WDR70: variants seen among roughly 807,000 people sequenced by gnomAD.
WDR70 encodes the protein WD repeat-containing protein 70.
In WDR70, 53 loss-of-function variants were observed where a neutral mutation model predicts 88.6. The observed-to-expected ratio is 0.60, with a 90% CI of 0.48 to 0.75. The LOEUF is 0.75. Among genes scored for constraint, WDR70 ranks in the 30% least tolerant of loss-of-function variants. The pLI is 0.00. For missense variants in WDR70, 610 were observed against 823.2 expected (o/e 0.74, Z 3.17); for synonymous variants, 280 against 270.0 (o/e 1.04, Z -0.36).
At chr5:37,740,984 A>G (rs1005379319) in intron 17 of WDR70, among the ~76,000 whole-genome samples, 1 of 152,188 alleles carries the variant, frequency 6.6e-6, no homozygotes, top group African/African-American at 2.4e-5. Flanking sequence ...AATTTGATGT[A>G]TCTGTTGAAT....
At chr5:37,733,312 TA>T (rs560929757) in intron 17 of WDR70, among the ~76,000 whole-genome samples, 9 of 152,024 alleles carry the variant, frequency 5.9e-5, no homozygotes, top group Non-Finnish European at 1.3e-4. Flanking sequence ...AATCCAGGAG[TA>T]TCTCCTCATC....
At chr5:37,521,589 T>C (rs1390408079) in intron 9 of WDR70, among the ~76,000 whole-genome samples, 2 of 152,120 alleles carry the variant, frequency 1.3e-5, no homozygotes, top group Non-Finnish European at 2.9e-5. Flanking sequence ...AGATGCGATG[T>C]TTGGTTTTCC....
At position 37,741,836 on chromosome 5, in the gene WDR70, C is replaced by T. The variant is rs1748491807; in HGVS notation, c.1878-10650C>T. On this transcript the variant is annotated intron_variant, in intron 17 of 17. Coordinates refer to ENST00000265107, the MANE Select transcript of WDR70 (RefSeq NM_018034.4). ...TCTATGGATTTGACTACTGTAGGTACCTCATATAAGCGGAATCAAACAGTT... is the reference window on the plus strand; with the variant it reads ...TCTATGGATTTGACTACTGTAGGTATCTCATATAAGCGGAATCAAACAGTT... 2.0e-5 allele frequency among the ~76,000 whole-genome samples: 3 copies of T among 152,204 alleles called. 1 individual carries two copies. The South Asian group carries it at 6.2e-4, about 32-fold the overall frequency.
intron 9 of WDR70, among the ~76,000 whole-genome samples, chr5:37,603,325 T>G (rs1208165054): frequency 6.6e-6 from 1 of 152,126 alleles, no homozygotes; most frequent in African/African-American, 2.4e-5. Flanking sequence ...CCCAGGTACT[T>G]ACAGCCAATT....
At chr5:37,490,128 C>T (rs1162671646) in intron 8 of WDR70, among the ~76,000 whole-genome samples, 1 of 152,066 alleles carries the variant, frequency 6.6e-6, no homozygotes, top group East Asian at 1.9e-4. Flanking sequence ...ACTGATGGTG[C>T]AGGGGAATCC....
intron 13 of WDR70, among the ~76,000 whole-genome samples, chr5:37,713,710 A>T (rs1747579804): frequency 1.3e-5 from 2 of 152,230 alleles, no homozygotes; most frequent in South Asian, 4.1e-4. Flanking sequence ...AAAAATGTTC[A>T]GAATGATACT....
intron 10 of WDR70, among the ~76,000 whole-genome samples, chr5:37,630,994 A>C (rs72740968): frequency 0.031 from 4,747 of 152,180 alleles, 117 homozygotes; most frequent in Middle Eastern, 0.14. Flanking sequence ...TGTGGTGGCA[A>C]TGGGGGTTGG....
chr5:37,590,611 T>A (rs1296097397), intron 9 of WDR70, among the ~76,000 whole-genome samples: 1 of 152,132 alleles, frequency 6.6e-6, no homozygotes, highest in Admixed American at 6.5e-5. Context: ...AGTACCCTCA[T>A]TAAAGGACAG....
At chr5:37,473,662 C>T (rs1014837497) in intron 7 of WDR70, among the ~76,000 whole-genome samples, 2 of 152,070 alleles carry the variant, frequency 1.3e-5, no homozygotes, top group Non-Finnish European at 2.9e-5. Flanking sequence ...TTAATGTTGT[C>T]TTTTGATATG....
intron 17 of WDR70, among the ~76,000 whole-genome samples, chr5:37,735,581 G>A (rs980049592): frequency 6.6e-6 from 1 of 152,090 alleles, no homozygotes; most frequent in Non-Finnish European, 1.5e-5. Context: ...CCTTGCATTT[G>A]TTGCATACTA....
At chr5:37,750,169 G>A (rs1748764389) in intron 17 of WDR70, among the ~76,000 whole-genome samples, 2 of 152,012 alleles carry the variant, frequency 1.3e-5, no homozygotes, top group Non-Finnish European at 1.5e-5. Flanking sequence ...ATGTAGTTTT[G>A]TTGATTCTGT....
intron 9 of WDR70, among the ~76,000 whole-genome samples, chr5:37,521,721 C>CACACAT (rs1458751576): frequency 6.6e-6 from 1 of 151,880 alleles, no homozygotes; most frequent in Non-Finnish European, 1.5e-5. Flanking sequence ...CACACACACA[C>CACACAT]ACACACACAC....
rs906839540 is a variant in WDR70, at chr5:37,398,374, T to C, written c.492+1804T>C. ...AAGTGCTGGGACAGGCGTGAGCCAC[T>C]GCGCCCGGCCGCACTTGGGGTAGAT... On this transcript the variant is annotated intron_variant, in intron 5 of 17. Transcript: ENST00000265107. 5.3e-5 allele frequency among the ~76,000 whole-genome samples: 8 copies of C among 151,284 alleles called. No individual in the cohort carries two copies. The South Asian group carries it at 1.0e-3, about 20-fold the overall frequency.
At chr5:37,745,416 C>T (rs1239513787) in intron 17 of WDR70, among the ~76,000 whole-genome samples, 1 of 151,316 alleles carries the variant, frequency 6.6e-6, no homozygotes, top group South Asian at 2.1e-4. Flanking sequence ...TGAATTCACA[C>T]ATAACAATAC....
intron 5 of WDR70, among the ~76,000 whole-genome samples, chr5:37,420,779 T>A (rs7711785): frequency 0.036 from 5,413 of 152,100 alleles, 333 homozygotes; most frequent in African/African-American, 0.12. Context: ...CCGAGTGTGC[T>A]GGTACGTGCC....
chr5:37,460,630 T>C (rs1224937683), intron 7 of WDR70, among the ~76,000 whole-genome samples: 2 of 82,502 alleles, frequency 2.4e-5, no homozygotes, highest in East Asian at 9.1e-4. Flanking sequence ...GCATGGCACA[T>C]GTATACATAT....
chr5:37,571,205 A>G (rs76921540), intron 9 of WDR70, among the ~76,000 whole-genome samples: 1 of 152,358 alleles, frequency 6.6e-6, no homozygotes, highest in South Asian at 2.1e-4. Flanking sequence ...ATTTCTAAGT[A>G]GCGCTGCCTA....
chr5:37,564,361 C>CA (rs982345764), intron 9 of WDR70, among the ~76,000 whole-genome samples: 6 of 152,098 alleles, frequency 3.9e-5, no homozygotes, highest in East Asian at 1.9e-4. Context: ...CCGTCTCCAC[C>CA]AAAAAAAATA....
chr5:37,439,924 C>A (rs12655038), intron 6 of WDR70, among the ~76,000 whole-genome samples: 12,455 of 151,908 alleles, frequency 0.082, 876 homozygotes, highest in East Asian at 0.27. Context: ...TGAATGTGCA[C>A]ACGTACACTC....
Sources: allele counts gnomAD v4.1 joint callset (sites outside exome capture counted in the v4.1 genomes callset), GRCh38; gene constraint gnomAD v4.1.1; transcripts MANE v1.5; gene names NCBI Gene and HGNC (gene_info 2026-07-23, HGNC 2026-07-21).